Variants in ERG observed in about 807,000 individuals in gnomAD.
The protein encoded by ERG is ETS transcription factor ERG.
ERG carries 9 observed loss-of-function variants against 55.3 expected under a neutral mutation model. The observed-to-expected ratio is 0.16, with a 90% CI of 0.10 to 0.28. The LOEUF is 0.28. ERG is among the 10% of genes least tolerant of loss of function. The pLI is 1.00. For synonymous variants in ERG, 223 were observed against 237.3 expected, an observed-to-expected ratio of 0.94 and a Z score of 0.55; for missense variants, 434 against 631.6, an observed-to-expected ratio of 0.69 and a Z score of 3.35.
At chr21:38,467,403 C>A (rs966952023) in intron 1 of ERG, among the ~76,000 whole-genome samples, 1 of 152,110 alleles carries the variant, frequency 6.6e-6, no homozygotes, top group Non-Finnish European at 1.5e-5. Flanking sequence ...AGGTGGAAAC[C>A]AAAGTGTGCA....
intron 2 of ERG, among the ~76,000 whole-genome samples, chr21:38,552,604 G>A (rs73440108): frequency 3.4e-4 from 51 of 152,232 alleles, no homozygotes; most frequent in African/African-American, 1.2e-3. Flanking sequence ...CTCAATAGCT[G>A]CAGAAAAGAC....
chr21:38,483,406 T>C (rs1193616302), intron 1 of ERG, among the ~76,000 whole-genome samples: 2 of 152,194 alleles, frequency 1.3e-5, no homozygotes, highest in Admixed American at 1.3e-4. Flanking sequence ...TTGTACACCT[T>C]AAATATATAA....
In ERG at chr21:38,391,733, C is replaced by CA; in HGVS notation, c.815-19dup. On this transcript the variant is annotated intron_variant, in intron 7 of 9. Coordinates refer to ENST00000288319, the MANE Select transcript of ERG (RefSeq NM_182918.4). ...TTGAGCAGCTGAAAATCCAGAAATACAAAAGGCAATTAGCTATAACAGATT... is the reference window on the plus strand; with the variant it reads ...TTGAGCAGCTGAAAATCCAGAAATACAAAAAGGCAATTAGCTATAACAGATT... 6.2e-7 allele frequency: 1 copy of CA among 1,611,006 alleles called. No homozygotes were observed. Among genetic ancestry groups the CA allele is most frequent in the Non-Finnish European group, 8.5e-7 (1 of 1,177,716 alleles).
At chr21:38,535,226 G>A (rs938338206) in intron 2 of ERG, among the ~76,000 whole-genome samples, 1 of 152,102 alleles carries the variant, frequency 6.6e-6, no homozygotes, top group Non-Finnish European at 1.5e-5. Flanking sequence ...GGTACCTAGA[G>A]TAGTCCAAGT....
chr21:38,584,273 T>C (rs575393864), intron 1 of ERG, among the ~76,000 whole-genome samples: 126 of 152,316 alleles, frequency 8.3e-4, no homozygotes, highest in South Asian at 5.8e-3. Flanking sequence ...GCTGGCCTCA[T>C]GGGCATGCCT....
chr21:38,371,286 A>G, the ERG span, among the ~76,000 whole-genome samples: 5 of 152,104 alleles, frequency 3.3e-5, no homozygotes, highest in Non-Finnish European at 7.4e-5. Context: ...TTCAAAAATT[A>G]ACCTAATGAT....
Position 38,380,210 on chromosome 21 carries a change from A to G in ERG, c.*3193T>C, listed in dbSNP as rs1987361937. 1 of 1,051,612 alleles carries G rather than the reference A, an allele frequency of 9.5e-7. No homozygotes were observed. The highest frequency in any genetic ancestry group is 5.4e-5 in the East Asian group (1 of 18,526). The allele number at this position is 1,051,612 out of a possible 1,614,324, so 65.1% of individuals were successfully genotyped here. ...AACATCTGTGCTTTCCCTGTGCCCCATCACCTTCCCAGCTCCTGAGCTGTA... is the reference window on the plus strand; with the variant it reads ...AACATCTGTGCTTTCCCTGTGCCCCGTCACCTTCCCAGCTCCTGAGCTGTA... On this transcript the variant is annotated 3_prime_UTR_variant, in exon 10 of 10. Transcript: ENST00000288319.
chr21:38,607,848 G>A (rs1310483308), intron 1 of ERG, among the ~76,000 whole-genome samples: 1 of 152,142 alleles, frequency 6.6e-6, no homozygotes, highest in Non-Finnish European at 1.5e-5. Context: ...CTGGAAGTAG[G>A]GGAGCAGAGT....
upstream of ERG, among the ~76,000 whole-genome samples, chr21:38,587,170 A>G (rs1417877036): frequency 1.3e-5 from 2 of 152,188 alleles, no homozygotes; most frequent in Non-Finnish European, 2.9e-5. Flanking sequence ...TCAGGGGAGA[A>G]AACTAAGGAA....
rs570036240 is a variant in ERG at position 38,617,020 on chromosome 21, C to T, written c.-149-32075G>A. Among the ~76,000 whole-genome samples the T allele has an allele frequency of 2.0e-4, 31 of 152,226 alleles. No individual in the cohort carries two copies. In the South Asian group the frequency reaches 6.2e-3, roughly 31 times the overall value. On this transcript the variant is annotated intron_variant, in intron 1 of 10. Coordinates refer to the ERG transcript ENST00000398910. ...AGGGATATGACATCTTCTAAAATTA[C>T]CTGCCTGAATTTCTAGCAGAGAGAC...
intron 1 of ERG, among the ~76,000 whole-genome samples, chr21:38,464,872 T>C (rs1005199376): frequency 6.6e-6 from 1 of 152,254 alleles, no homozygotes; most frequent in Non-Finnish European, 1.5e-5. Flanking sequence ...GCATCATCCA[T>C]GTCCCTGCAA....
chr21:38,465,529 T>G (rs1326761968), intron 1 of ERG, among the ~76,000 whole-genome samples: 3 of 152,160 alleles, frequency 2.0e-5, no homozygotes, highest in Non-Finnish European at 4.4e-5. Flanking sequence ...GCACCACAAA[T>G]GAACGCTAAT....
intron 1 of ERG, among the ~76,000 whole-genome samples, chr21:38,641,024 C>A (rs191427200): frequency 6.6e-6 from 1 of 152,180 alleles, no homozygotes; most frequent in Admixed American, 6.5e-5. Context: ...AATAAACTAA[C>A]GCATACATAG....
intron 2 of ERG, among the ~76,000 whole-genome samples, chr21:38,535,699 G>C (rs754339601): frequency 5.3e-5 from 8 of 152,072 alleles, no homozygotes; most frequent in Non-Finnish European, 8.8e-5. Flanking sequence ...AGTAAAATAT[G>C]TTCACTGCTG....
At chr21:38,449,428 G>C (rs559673513) in intron 1 of ERG, among the ~76,000 whole-genome samples, 1 of 152,086 alleles carries the variant, frequency 6.6e-6, no homozygotes, top group Non-Finnish European at 1.5e-5. Flanking sequence ...ATTTCAATAC[G>C]GAATATACCA....
chr21:38,459,276 C>T (rs1014770638), intron 1 of ERG, among the ~76,000 whole-genome samples: 5 of 152,174 alleles, frequency 3.3e-5, no homozygotes, highest in Admixed American at 6.5e-5. Flanking sequence ...ACATAAGTGT[C>T]ATTACTGGAT....
rs554483204 is a variant in ERG, at chr21:38,554,171, C to A, written c.-41+21491G>T. ...CAGTCAGAACGGCAATTTTAAAAGT[C>A]AAAAAATAACACATGTTGGTGAGGC... is the stretch of plus-strand genomic sequence containing the variant. On this transcript the variant is annotated intron_variant, in intron 2 of 8. Coordinates refer to the ERG transcript ENST00000398897. Among the ~76,000 whole-genome samples, 11 of 152,082 alleles carry A rather than the reference C, an allele frequency of 7.2e-5. No homozygotes were observed. The South Asian group carries it at 1.9e-3, about 26-fold the overall frequency.
At chr21:38,479,833 T>C (rs949729950) in intron 1 of ERG, among the ~76,000 whole-genome samples, 8 of 152,210 alleles carry the variant, frequency 5.3e-5, no homozygotes. Flanking sequence ...TTTTATTTCT[T>C]CAAACTTCAA....
At chr21:38,566,159 C>T (rs2059921483) in intron 2 of ERG, among the ~76,000 whole-genome samples, 1 of 152,074 alleles carries the variant, frequency 6.6e-6, no homozygotes, top group Non-Finnish European at 1.5e-5. Context: ...TACCAATACA[C>T]CATGGGATTT....
Sources: allele counts gnomAD v4.1 joint callset (sites outside exome capture counted in the v4.1 genomes callset), GRCh38; gene constraint gnomAD v4.1.1; transcripts MANE v1.5; gene names NCBI Gene and HGNC (gene_info 2026-07-23, HGNC 2026-07-21).